Variants in CHFR observed in about 807,000 individuals in gnomAD.
The protein encoded by CHFR is checkpoint with forkhead and ring finger domains.
In CHFR, 57 loss-of-function variants were observed where a neutral mutation model predicts 87.6. The ratio of observed to expected loss-of-function variants is 0.65; its 90% CI spans 0.53 to 0.81. The LOEUF is 0.81. Ranked by LOEUF, CHFR falls within the 30% of genes least tolerant of loss-of-function variation. The pLI, the probability that CHFR is intolerant of heterozygous loss-of-function variation, is 0.00. For missense variants in CHFR, 797 were observed against 865.8 expected (o/e 0.92, Z 1.00); for synonymous variants, 381 against 359.2 (o/e 1.06, Z -0.69).
intron 2 of CHFR, 91 bp from the exon 3 acceptor site, chr12:132,877,745 T>C (rs1951662004): frequency 5.7e-6 from 4 of 703,896 alleles, no homozygotes; most frequent in Non-Finnish European, 7.1e-6. Flanking sequence ...TGGTTCCAAC[T>C]CAGGATCCCC....
At chr12:132,847,914 T>C in intron 14 of CHFR, 171 bp downstream of exon 14, 4 of 1,456,866 alleles carry the variant, frequency 2.7e-6, no homozygotes, top group Non-Finnish European at 3.6e-6. Context: ...CAAACACCAA[T>C]GGCATGCAGA....
chr12:132,872,249 G>A, intron 4 of CHFR, 36 bp downstream of exon 4: 2 of 1,392,526 alleles, frequency 1.4e-6, no homozygotes, highest in Non-Finnish European at 2.0e-6. Context: ...GCACCCCCGT[G>A]CGGGTCTGAC....
At chr12:132,866,340 T>TTACA (rs1306269475) in intron 6 of CHFR, 1 of 151,196 alleles carries the variant, frequency 6.6e-6, no homozygotes, top group Admixed American at 6.6e-5. Context: ...ACACCAAATG[T>TTACA]TACAACACAC....
chr12:132,853,406 G>C, intron 11 of CHFR, 25 bp downstream of exon 11: 1 of 1,492,324 alleles, frequency 6.7e-7, no homozygotes, highest in Non-Finnish European at 8.9e-7. Flanking sequence ...CGCGAAGGCT[G>C]AGGCCTGAGG....
intron 5 of CHFR, among the ~76,000 whole-genome samples, chr12:132,870,018 G>A (rs1238976695): frequency 6.6e-6 from 1 of 152,028 alleles, no homozygotes; most frequent in African/African-American, 2.4e-5. Context: ...AGACCAGCCT[G>A]ACCAACATGG....
chr12:132,841,491 T>C lies in CHFR; in HGVS notation c.*63A>G. On this transcript the variant is annotated 3_prime_UTR_variant, in exon 18 of 18. Coordinates refer to ENST00000450056, the MANE Select transcript of CHFR (RefSeq NM_001161346.2). ...GAAAACACCTTGACGTGCTTGTCTC[T>C]GTATTTTAAAAACACGCTCTCTTCA... The C allele has an allele frequency of 7.0e-7, 1 of 1,421,562 alleles. No individual in the cohort carries two copies. The highest frequency in any genetic ancestry group is 1.8e-4 in the Middle Eastern group (1 of 5,712). 88.1% of individuals were successfully genotyped at this position (1,421,562 alleles called of 1,614,324 possible).
At chr12:132,886,439 T>C (rs1228218012) in intron 2 of CHFR, among the ~76,000 whole-genome samples, 1 of 151,782 alleles carries the variant, frequency 6.6e-6, no homozygotes, top group African/African-American at 2.4e-5. Context: ...TTTTAGAGTA[T>C]AATGTCGGAG....
Position 132,857,685 on chromosome 12 carries a change from C to T in CHFR, c.912-126G>A, listed in dbSNP as rs1309250922. On this transcript the variant is annotated intron_variant, in intron 8 of 17. Coordinates refer to ENST00000450056, the MANE Select transcript of CHFR (RefSeq NM_001161346.2). The stretch of plus-strand genomic sequence containing the variant: ...GCCCAGCCATCGTTCAACCTAAAAA[C>T]CCTTTAAGTCAGTCTTGGTTAATGA... The T allele has an allele frequency of 4.7e-6, 4 of 846,894 alleles. No homozygotes were observed. In the East Asian group the frequency reaches 8.0e-5, roughly 17 times the overall value. 52.5% of individuals were successfully genotyped at this position (846,894 alleles called of 1,614,324 possible).
rs1025502443 is a variant in CHFR, at chr12:132,839,063, C to T, written c.*2491G>A. The stretch of plus-strand genomic sequence containing the variant: ...GAAGCAGGAGTGAGTCCCTAGGACA[C>T]CTGGAGCCCAGAGGCTCTCTGAGCT... On this transcript the variant is annotated 3_prime_UTR_variant, in exon 18 of 18. Coordinates refer to ENST00000450056, the MANE Select transcript of CHFR (RefSeq NM_001161346.2). The T allele has an allele frequency of 2.6e-5, 4 of 152,300 alleles. No homozygotes were observed. Among genetic ancestry groups the T allele is most frequent in the South Asian group, 2.1e-4 (1 of 4,838 alleles). The allele number at this position is 152,300 out of a possible 1,614,324, so 9.4% of individuals were successfully genotyped here. A position where few individuals can be genotyped will look rare whatever the true frequency, so the allele number is the denominator to read the frequency against.
intron 6 of CHFR, among the ~76,000 whole-genome samples, chr12:132,868,122 G>C (rs904308185): frequency 6.6e-6 from 1 of 152,144 alleles, no homozygotes; most frequent in Non-Finnish European, 1.5e-5. Flanking sequence ...CATGCCGTAA[G>C]GAACAGCATC....
At chr12:132,847,401 G>A in intron 14 of CHFR, 1 of 1,194,266 alleles carries the variant, frequency 8.4e-7, no homozygotes, top group Non-Finnish European at 1.1e-6. Flanking sequence ...GCCCAGGTGT[G>A]AATGAGACAT....
At chr12:132,881,987 G>A (rs2137065341) in intron 2 of CHFR, among the ~76,000 whole-genome samples, 1 of 152,212 alleles carries the variant, frequency 6.6e-6, no homozygotes, top group African/African-American at 2.4e-5. Flanking sequence ...GGGAAACAAT[G>A]CGGCAGTTTC....
intron 7 of CHFR, among the ~76,000 whole-genome samples, chr12:132,860,744 GCTTT>G (rs761182595): frequency 1.3e-5 from 2 of 152,154 alleles, no homozygotes; most frequent in Non-Finnish European, 1.5e-5. Flanking sequence ...AGGACAGAGG[GCTTT>G]CTTTTTGATT....
intron 2 of CHFR, among the ~76,000 whole-genome samples, chr12:132,881,858 A>C (rs1951777012): frequency 9.5e-6 from 1 of 105,532 alleles, no homozygotes; most frequent in Non-Finnish European, 2.0e-5. Context: ...ACAGGGCAAG[A>C]CGCTGTCTCA....
intron 15 of CHFR, among the ~76,000 whole-genome samples, chr12:132,845,495 C>G (rs1355499736): frequency 6.6e-6 from 1 of 151,048 alleles, no homozygotes; most frequent in East Asian, 1.9e-4. Context: ...AATAAAAAAA[C>G]TAAGATTAGC....
At chr12:132,872,222 A>G in intron 4 of CHFR, 63 bp downstream of exon 4, 2 of 1,013,546 alleles carry the variant, frequency 2.0e-6, no homozygotes, top group South Asian at 2.6e-5. Flanking sequence ...AGGAACGTTC[A>G]GAGAGCGCCC....
Position 132,835,597 on chromosome 12 carries a change from A to G in CHFR, c.*5957T>C. On this transcript the variant is annotated 3_prime_UTR_variant, in exon 18 of 18. Coordinates refer to ENST00000450056, the MANE Select transcript of CHFR (RefSeq NM_001161346.2). ...GAAGATGACGTGAGAACTCAAGGAG[A>G]TGCTGCCCACGAGCCAAGGAGACAG... 3 of 179,080 alleles carry G rather than the reference A, an allele frequency of 1.7e-5. No homozygotes were observed. Among genetic ancestry groups the G allele is most frequent in the Non-Finnish European group, 3.6e-5 (3 of 83,566 alleles). The allele number at this position is 179,080 out of a possible 1,614,324, so 11.1% of individuals were successfully genotyped here. A position where few individuals can be genotyped will look rare whatever the true frequency, so the allele number is the denominator to read the frequency against.
At chr12:132,846,344 G>T (rs935433861) in intron 15 of CHFR, among the ~76,000 whole-genome samples, 2 of 149,478 alleles carry the variant, frequency 1.3e-5, no homozygotes, top group Non-Finnish European at 3.0e-5. Flanking sequence ...CTCACTGCAA[G>T]CTCCGCCTCC....
intron 6 of CHFR, among the ~76,000 whole-genome samples, chr12:132,869,356 C>T (rs185196528): frequency 1.5e-4 from 23 of 152,216 alleles, no homozygotes; most frequent in Non-Finnish European, 3.4e-4. Context: ...GAAATGTACA[C>T]TTCGGCTGGA....
Sources: gnomAD v4.1 joint callset for allele counts (sites outside exome capture counted in the v4.1 genomes callset) on GRCh38, gnomAD v4.1.1 for gene constraint, MANE v1.5 for transcripts, NCBI Gene and HGNC (gene_info 2026-07-23, HGNC 2026-07-21) for gene names.